ASIC4: variants seen among roughly 807,000 people sequenced by gnomAD.
ASIC4 encodes the protein acid-sensing ion channel 4.
Under a neutral mutation model 53.4 loss-of-function variants are expected in ASIC4, and 28 were observed. That is an observed-to-expected ratio of 0.52 (90% CI 0.39 to 0.72). The LOEUF (loss-of-function observed/expected upper bound fraction) is 0.72. ASIC4 is among the 30% of genes least tolerant of loss of function. The pLI, the probability that ASIC4 is intolerant of heterozygous loss-of-function variation, is 0.00. For missense variants in ASIC4, 649 were observed against 729.7 expected, an observed-to-expected ratio of 0.89 and a Z score of 1.27; for synonymous variants, 289 against 301.4, an observed-to-expected ratio of 0.96 and a Z score of 0.43.
At position 219,517,434 on chromosome 2, in the gene ASIC4, G is replaced by T. The variant is rs1013081903; in HGVS notation, c.582+2128G>T. Among the ~76,000 whole-genome samples the T allele has an allele frequency of 2.6e-5, 4 of 152,136 alleles. No homozygotes were observed. Among genetic ancestry groups the T allele is most frequent in the Non-Finnish European group, 5.9e-5 (4 of 68,018 alleles). Reference sequence around the variant, plus strand: ...GTAGAGGGCATAGCTAGCATTGGGGGACAGGAATTCCCCTTTGGGATTTCC... The same window carrying T: ...GTAGAGGGCATAGCTAGCATTGGGGTACAGGAATTCCCCTTTGGGATTTCC... On this transcript the variant is annotated intron_variant, in intron 1 of 9. Transcript: ENST00000358078. The surrounding 1 kb of genome is among the most constrained non-coding windows in gnomAD (Gnocchi z 4.2).
In ASIC4 at chr2:219,537,735, A is replaced by C; in HGVS notation, c.1505A>C (p.Gln502Pro). 6.2e-7 allele frequency: 1 copy of C among 1,612,812 alleles called. No homozygotes were observed. The highest frequency in any genetic ancestry group is 2.2e-5 in the East Asian group (1 of 44,842). ...STLGLQELKE[Q>P]SPCPSRGRVE... The stretch of plus-strand genomic sequence containing the variant: ...TTGGGGCTTCAGGAGCTGAAGGAAC[A>C]GGTGAGGACAAGCTCTAAATGCCTG... Residue 502 changes from glutamine to proline, a missense_variant and splice_region_variant, in exon 9 of 10, where the codon CAG (glutamine) becomes CCG (proline). Gln to Pro is a moderately conservative substitution (Grantham distance 76). Coordinates refer to ENST00000358078, the MANE Select transcript of ASIC4 (RefSeq NM_018674.6). The surrounding 1 kb of genome is among the most constrained non-coding windows in gnomAD (Gnocchi z 4.9).
At chr2:219,532,841 G>A in intron 4 of ASIC4, 42 bp from the exon 5 acceptor site, 2 of 1,579,020 alleles carry the variant, frequency 1.3e-6, no homozygotes, top group Non-Finnish European at 1.7e-6. Flanking sequence ...GGGGACAGGG[G>A]AAGTGATCGT....
upstream of ASIC4, among the ~76,000 whole-genome samples, chr2:219,513,088 C>G (rs1013334758): frequency 2.6e-5 from 4 of 152,196 alleles, no homozygotes; most frequent in African/African-American, 9.7e-5. Flanking sequence ...GGCTCTAATC[C>G]CCAGCAGCTG....
intron 6 of ASIC4, 24 bp downstream of exon 6, chr2:219,535,348 G>A (rs768413143): frequency 8.3e-6 from 13 of 1,562,876 alleles, no homozygotes; most frequent in East Asian, 4.7e-5. Context: ...TGTGTGGGGG[G>A]TGGCTGTGTG....
At position 219,525,101 on chromosome 2, in the gene ASIC4, C is replaced by G. The variant is rs1574490894; in HGVS notation, c.583-6657C>G. On this transcript the variant is annotated intron_variant, in intron 1 of 9. Coordinates refer to ENST00000358078, the MANE Select transcript of ASIC4 (RefSeq NM_018674.6). ...TGGTGGGAGAGGCTGGATTTGAACC[C>G]TGTTCTGTCAGCCTACAAAATATAT... Among the ~76,000 whole-genome samples, 3 of 152,302 alleles carry G rather than the reference C, an allele frequency of 2.0e-5. No homozygotes were observed. In the East Asian group the frequency reaches 5.8e-4, roughly 29 times the overall value.
At position 219,532,093 on chromosome 2, in the gene ASIC4, G is replaced by A; in HGVS notation, c.820G>A (p.Gly274Ser). 6.2e-7 allele frequency: 1 copy of A among 1,614,232 alleles called. No individual in the cohort carries two copies. Among genetic ancestry groups the A allele is most frequent in the Non-Finnish European group, 8.5e-7 (1 of 1,180,030 alleles). Residue 274 changes from glycine to serine, a missense_variant, in exon 3 of 10, where the codon GGC becomes AGC. Physicochemically the swap from Gly to Ser is moderately conservative, Grantham distance 56. Coordinates refer to ENST00000358078, the MANE Select transcript of ASIC4 (RefSeq NM_018674.6). Reference sequence around the variant, plus strand: ...CCAGCTGGGGTTCGGGGTGTCCCCAGGCTTCCAGACCTTTGTGTCCTGCCA... The same window carrying A: ...CCAGCTGGGGTTCGGGGTGTCCCCAAGCTTCCAGACCTTTGTGTCCTGCCA... ...IHQLGFGVSP[G>S]FQTFVSCQEQ...
At chr2:219,532,498 C>T in intron 4 of ASIC4, 21 bp downstream of exon 4, 1 of 1,600,566 alleles carries the variant, frequency 6.2e-7, no homozygotes, top group African/African-American at 1.3e-5. Context: ...CACCCCCAGC[C>T]AGCCCTCCAT....
chr2:219,532,611 G>T (rs1438703592), intron 4 of ASIC4, 134 bp downstream of exon 4: 2 of 1,273,532 alleles, frequency 1.6e-6, no homozygotes, highest in African/African-American at 3.0e-5. Context: ...CCGTGTGAGT[G>T]TGAGTGTTTG....
rs1430619261 is a variant in ASIC4, at chr2:219,532,030, G to A, written c.757G>A (p.Val253Met). 22 of 1,614,120 alleles carry A rather than the reference G, an allele frequency of 1.4e-5. No homozygotes were observed. The highest frequency in any genetic ancestry group is 1.9e-5 in the Non-Finnish European group (22 of 1,180,054). The change falls in exon 3 of 10, where the codon GTG becomes ATG. Residue 253 changes from valine (V) to methionine (M), a missense_variant. Transcript: ENST00000358078. ...NETSFEAGIR[V>M]QIHSQEEPPY... ...GACGTCGTTTGAGGCAGGTATTCGG[G>A]TGCAGATCCACAGCCAGGAGGAGCC...
chr2:219,514,751 C>G lies in ASIC4; in HGVS notation c.27C>G (p.Ile9Met). Residue 9 changes from isoleucine (I) to methionine (M), a missense_variant, in exon 1 of 10, where the codon ATC (isoleucine) becomes ATG (methionine). Transcript: ENST00000358078. Reference protein sequence around the residue: MPIEIVCKIKFAEEDAKPK... With the variant: MPIEIVCKMKFAEEDAKPK... ...TGCCGATCGAGATTGTGTGCAAAAT[C>G]AAATTTGCTGAGGAGGATGCGAAAC... is the stretch of plus-strand genomic sequence containing the variant. 1.2e-6 allele frequency: 2 copies of G among 1,613,630 alleles called. No individual in the cohort carries two copies. The highest frequency in any genetic ancestry group is 1.7e-6 in the Non-Finnish European group (2 of 1,179,996).
At position 219,531,731 on chromosome 2, in the gene ASIC4, C is replaced by T. The variant is rs768993052; in HGVS notation, c.583-27C>T. The T allele has an allele frequency of 5.2e-6, 8 of 1,550,290 alleles. No individual in the cohort carries two copies. In the Admixed American group the frequency reaches 5.9e-5, roughly 11 times the overall value. On this transcript the variant is annotated intron_variant, in intron 1 of 9. Coordinates refer to ENST00000358078, the MANE Select transcript of ASIC4 (RefSeq NM_018674.6). The stretch of plus-strand genomic sequence containing the variant: ...GCCTTGGCCACTCCTTTCATCTCCC[C>T]TCCTGCTCTCTCACCCCACCTCCCA...
Position 219,537,630 on chromosome 2 carries a change from A to G in ASIC4, c.1402-2A>G. Reference sequence around the variant, plus strand: ...CTGCTGTCCCCGACCCTGAACCCCAAGGTGTCCTGGGATCGACTGAAGCGG... The same window carrying G: ...CTGCTGTCCCCGACCCTGAACCCCAGGGTGTCCTGGGATCGACTGAAGCGG... On this transcript the variant is annotated splice_acceptor_variant, in intron 8 of 9. Transcript: ENST00000358078. LOFTEE classifies it high-confidence loss of function. The surrounding 1 kb of genome is among the most constrained non-coding windows in gnomAD (Gnocchi z 4.9). 1 of 1,610,628 alleles carries G rather than the reference A, an allele frequency of 6.2e-7. No homozygotes were observed. Among genetic ancestry groups the G allele is most frequent in the East Asian group, 2.2e-5 (1 of 44,854 alleles).
intron 1 of ASIC4, among the ~76,000 whole-genome samples, chr2:219,529,830 G>A (rs1485610689): frequency 1.3e-5 from 2 of 152,084 alleles, no homozygotes; most frequent in Non-Finnish European, 2.9e-5. Context: ...TTTCGGGAAC[G>A]GGAGGCAGGG....
At chr2:219,529,983 G>T (rs947814611) in intron 1 of ASIC4, among the ~76,000 whole-genome samples, 4 of 152,028 alleles carry the variant, frequency 2.6e-5, no homozygotes, top group Non-Finnish European at 4.4e-5. Flanking sequence ...CAGTTGGTTC[G>T]CTGCCCTCCA....
At chr2:219,507,386 G>T in the ASIC4 span, among the ~76,000 whole-genome samples, 1 of 152,242 alleles carries the variant, frequency 6.6e-6, no homozygotes, top group Non-Finnish European at 1.5e-5. Context: ...GCTGAGCCCA[G>T]CCCTGGCCGG....
upstream of ASIC4, among the ~76,000 whole-genome samples, chr2:219,511,443 C>T (rs1694700773): frequency 6.6e-6 from 1 of 151,748 alleles, no homozygotes; most frequent in South Asian, 2.1e-4. The surrounding 1 kb of genome is among the most constrained non-coding windows in gnomAD (Gnocchi z 5.3). Context: ...AGTCCATCTA[C>T]CACTCATTCT....
At position 219,516,055 on chromosome 2, in the gene ASIC4, G is replaced by A. The variant is rs1203637324; in HGVS notation, c.582+749G>A. Among the ~76,000 whole-genome samples the A allele has an allele frequency of 6.6e-6, 1 of 152,048 alleles. No homozygotes were observed. Among genetic ancestry groups the A allele is most frequent in the African/African-American group, 2.4e-5 (1 of 41,368 alleles). On this transcript the variant is annotated intron_variant, in intron 1 of 9. Transcript: ENST00000358078. This position sits in a 1 kb window ranked among gnomAD's most constrained non-coding sequence, Gnocchi z 4.9. ...CTCACCCTCACTGCTGCCCCAGCACGGGTGCATGCACACATGCACACGCAC... is the reference window on the plus strand; with the variant it reads ...CTCACCCTCACTGCTGCCCCAGCACAGGTGCATGCACACATGCACACGCAC...
At chr2:219,512,677 A>C (rs1207566615), upstream of ASIC4, among the ~76,000 whole-genome samples, 1 of 152,296 alleles carries the variant, frequency 6.6e-6, no homozygotes, top group East Asian at 1.9e-4. Context: ...GGCTTTGTCC[A>C]ATGCCAATCC....
rs1184140586 is a variant in ASIC4, at chr2:219,516,856, T to A, written c.582+1550T>A. ...TGTGCAGGGAGAAGAGTCGGGGGCA[T>A]TGGCCTGTTGTCCGGCTGTACACCC... is the stretch of plus-strand genomic sequence containing the variant. On this transcript the variant is annotated intron_variant, in intron 1 of 9. Transcript: ENST00000358078. This position sits in a 1 kb window ranked among gnomAD's most constrained non-coding sequence, Gnocchi z 4.9. 6.6e-6 allele frequency: 1 copy of A among 152,368 alleles called. No homozygotes were observed. Among genetic ancestry groups the A allele is most frequent in the African/African-American group, 2.4e-5 (1 of 41,448 alleles). 9.4% of individuals were successfully genotyped at this position (152,368 alleles called of 1,614,324 possible).
Sources: gnomAD v4.1 joint callset for allele counts (sites outside exome capture counted in the v4.1 genomes callset) on GRCh38, gnomAD v4.1.1 for gene constraint, Gnocchi (gnomAD v3.1) non-coding constraint, MANE v1.5 for transcripts, NCBI Gene and HGNC (gene_info 2026-07-23, HGNC 2026-07-21) for gene names.